GNE: variants seen among roughly 807,000 people sequenced by gnomAD.
GNE encodes glucosamine (UDP-N-acetyl)-2-epimerase/N-acetylmannosamine kinase.
Under a neutral mutation model 61.8 loss-of-function variants are expected in GNE, and 41 were observed. The ratio of observed to expected loss-of-function variants is 0.66; its 90% CI spans 0.52 to 0.86. The LOEUF (loss-of-function observed/expected upper bound fraction) is 0.86. Ranked by LOEUF, GNE falls within the 40% of genes least tolerant of loss-of-function variation. The pLI is 0.00. For missense variants in GNE, 608 were observed against 909.1 expected, an observed-to-expected ratio of 0.67 and a Z score of 4.26; for synonymous variants, 264 against 326.4, an observed-to-expected ratio of 0.81 and a Z score of 2.06.
intron 6 of GNE, among the ~76,000 whole-genome samples, chr9:36,227,827 G>A (rs975277581): frequency 2.0e-5 from 3 of 152,030 alleles, no homozygotes; most frequent in Admixed American, 1.3e-4. Flanking sequence ...CCTGAAGTCA[G>A]GAGTTCAAGA....
chr9:36,258,205 G>C, intron 1 of GNE, 116 bp downstream of exon 1: 1 of 465,294 alleles, frequency 2.1e-6, no homozygotes, highest in Non-Finnish European at 2.8e-6. Flanking sequence ...GCCTCGGGGC[G>C]CGGTGGGGTG....
intron 5 of GNE, among the ~76,000 whole-genome samples, chr9:36,231,779 A>C (rs558937278): frequency 3.9e-5 from 6 of 152,148 alleles, no homozygotes; most frequent in African/African-American, 1.4e-4. Context: ...CTGACAACCA[A>C]TTATGCATCA....
At chr9:36,220,347 C>T (rs1828532028) in intron 9 of GNE, among the ~76,000 whole-genome samples, 3 of 152,160 alleles carry the variant, frequency 2.0e-5, no homozygotes, top group African/African-American at 4.8e-5. Flanking sequence ...TCTTTCTGCA[C>T]CAAGGCTTTC....
At chr9:36,228,793 C>CAAAAAAA (rs71336431) in intron 6 of GNE, among the ~76,000 whole-genome samples, 3 of 72,568 alleles carry the variant, frequency 4.1e-5, no homozygotes, top group Non-Finnish European at 8.4e-5. Flanking sequence ...GAGTCCATCT[C>CAAAAAAA]AAAAAAAAAA....
chr9:36,232,600 C>T lies in GNE; in HGVS notation c.982+1320G>A, dbSNP rs1191850963. On this transcript the variant is annotated intron_variant, in intron 5 of 11. Transcript: ENST00000642385. ...CTCACACTGGCTGTTGCCACTGCCT[C>T]TCCCTGATCCTCACATAGCTGACTC... Among the ~76,000 whole-genome samples the T allele has an allele frequency of 2.6e-5, 4 of 152,214 alleles. No individual in the cohort carries two copies. The South Asian group carries it at 8.3e-4, about 32-fold the overall frequency.
Position 36,229,136 on chromosome 9 carries a change from G to A in GNE, c.983-28C>T. 3.3e-6 allele frequency: 4 copies of A among 1,214,872 alleles called. No individual in the cohort carries two copies. The South Asian group carries it at 3.6e-5, about 11-fold the overall frequency. The allele number at this position is 1,214,872 out of a possible 1,614,324, so 75.3% of individuals were successfully genotyped here. On this transcript the variant is annotated intron_variant, in intron 5 of 11. Coordinates refer to ENST00000642385, the MANE Select transcript of GNE (RefSeq NM_005476.7). ...AGGTAAAACCAGTGACACATTACAA[G>A]GATTTGGAAGTGGGAATATCCAAAG... is the stretch of plus-strand genomic sequence containing the variant.
chr9:36,225,489 G>T (rs2133035223), intron 7 of GNE, among the ~76,000 whole-genome samples: 1 of 152,242 alleles, frequency 6.6e-6, no homozygotes, highest in East Asian at 1.9e-4. Context: ...ACAAAAATTA[G>T]CCAGGCATGC....
At chr9:36,231,144 AAGGAAAAG>A (rs1207642996) in intron 5 of GNE, among the ~76,000 whole-genome samples, 5 of 151,448 alleles carry the variant, frequency 3.3e-5, no homozygotes, top group Non-Finnish European at 7.4e-5. Flanking sequence ...GGAAGGAAGG[AAGGAAAAG>A]AAAGAAGGAA....
chr9:36,256,238 T>G (rs1830330067), intron 1 of GNE, among the ~76,000 whole-genome samples: 1 of 99,594 alleles, frequency 1.0e-5, no homozygotes. Flanking sequence ...GAAACCCAAT[T>G]CTTTTTTTTT....
chr9:36,229,013 A>C lies in GNE; in HGVS notation c.1070+8T>G. 6.6e-7 allele frequency: 1 copy of C among 1,508,652 alleles called. No individual in the cohort carries two copies. Among genetic ancestry groups the C allele is most frequent in the South Asian group, 1.1e-5 (1 of 88,890 alleles). The allele number at this position is 1,508,652 out of a possible 1,614,324, so 93.5% of individuals were successfully genotyped here. A position where few individuals can be genotyped will look rare whatever the true frequency, so the allele number is the denominator to read the frequency against. ...TAAATCACTCAACAAAGAATGTTTT[A>C]TACTCACCAAGGGTACTGTTTACCA... On this transcript the variant is annotated splice_region_variant and intron_variant, in intron 6 of 11. Transcript: ENST00000642385.
chr9:36,260,686 G>A (rs1337789303), upstream of GNE, among the ~76,000 whole-genome samples: 1 of 151,670 alleles, frequency 6.6e-6, no homozygotes, highest in Non-Finnish European at 1.5e-5. Flanking sequence ...TGGCTAACAT[G>A]GTGAAACCCC....
intron 7 of GNE, among the ~76,000 whole-genome samples, chr9:36,224,052 G>A (rs575152093): frequency 5.3e-4 from 80 of 150,784 alleles, no homozygotes; most frequent in African/African-American, 1.6e-3. Context: ...GCCCCCGGCC[G>A]GGCCCCTTTC....
At chr9:36,221,968 AC>A (rs1828606100) in intron 9 of GNE, among the ~76,000 whole-genome samples, 1 of 152,182 alleles carries the variant, frequency 6.6e-6, no homozygotes, top group Non-Finnish European at 1.5e-5. Context: ...GGATACCAGT[AC>A]CTGACGGGGC....
upstream of GNE, among the ~76,000 whole-genome samples, chr9:36,262,751 A>G (rs1422263347): frequency 3.9e-5 from 6 of 152,308 alleles, no homozygotes; most frequent in South Asian, 8.3e-4. Context: ...AGACCTTCCT[A>G]CAGCACCCCT....
At chr9:36,272,646 G>A (rs1271871718) in intron 1 of GNE, among the ~76,000 whole-genome samples, 23 of 116,770 alleles carry the variant, frequency 2.0e-4, no homozygotes, top group South Asian at 9.1e-4. Flanking sequence ...AAAAAAAAAA[G>A]AACTACAGAA....
intron 1 of GNE, among the ~76,000 whole-genome samples, chr9:36,272,915 TACAA>T (rs1831092118): frequency 7.2e-5 from 1 of 13,856 alleles, no homozygotes; most frequent in Admixed American, 7.4e-4. Flanking sequence ...CTAGTAAAAA[TACAA>T]AAAAAAAAAA....
At chr9:36,234,580 T>C (rs1488595286) in intron 4 of GNE, among the ~76,000 whole-genome samples, 1 of 152,132 alleles carries the variant, frequency 6.6e-6, no homozygotes, top group Non-Finnish European at 1.5e-5. Context: ...AGCACTCCCA[T>C]TTATATGAAC....
intron 11 of GNE, 60 bp from the exon 12 acceptor site, chr9:36,217,660 G>T: frequency 9.6e-7 from 1 of 1,038,308 alleles, no homozygotes; most frequent in Non-Finnish European, 1.5e-6. Flanking sequence ...AAATACCAAA[G>T]AGGAAGGCAG....
rs1368954364 is a variant in GNE, at chr9:36,219,902, A to G, written c.1752T>C (p.His584=). The G allele has an allele frequency of 6.2e-7, 1 of 1,614,154 alleles. No homozygotes were observed. The highest frequency in any genetic ancestry group is 1.7e-5 in the Admixed American group (1 of 60,020). Residue 584 remains histidine (H), a synonymous_variant, in exon 10 of 12, where the codon CAT becomes CAC. Coordinates refer to ENST00000642385, the MANE Select transcript of GNE (RefSeq NM_005476.7). ...CAGAGGCGTATGCTTCAATGCACCC[A>G]TGGCTTCCACAGGAACAATCAGGCC... The part of the protein sequence containing the change: ...LDGPDCSCGS[H]GCIEAYASGM...
Sources: gnomAD v4.1 joint callset for allele counts (sites outside exome capture counted in the v4.1 genomes callset) on GRCh38, gnomAD v4.1.1 for gene constraint, MANE v1.5 for transcripts, NCBI Gene and HGNC (gene_info 2026-07-23, HGNC 2026-07-21) for gene names.